Variants in TMEM232 observed in about 807,000 individuals in gnomAD.
The protein encoded by TMEM232 is transmembrane protein 232.
TMEM232 carries 80 observed loss-of-function variants against 78.8 expected under a neutral mutation model. The ratio of observed to expected loss-of-function variants is 1.01; its 90% CI spans 0.85 to 1.22. TMEM232 has a LOEUF of 1.22. TMEM232 is among the 50% of genes most tolerant of loss of function. The pLI, the probability that TMEM232 is intolerant of heterozygous loss-of-function variation, is 0.00. For synonymous variants in TMEM232, 297 were observed against 254.3 expected (o/e 1.17, Z -1.60); for missense variants, 881 against 742.2 (o/e 1.19, Z -2.17).
intron 3 of TMEM232, chr5:110,390,772 A>G (rs79507770): frequency 1.8e-3 from 272 of 152,332 alleles, no homozygotes; most frequent in African/African-American, 6.1e-3. Flanking sequence ...GGTTCTGATC[A>G]TTTGATATTT....
At chr5:110,532,443 T>C (rs1032045284) in intron 11 of TMEM232, among the ~76,000 whole-genome samples, 7 of 151,918 alleles carry the variant, frequency 4.6e-5, no homozygotes, top group African/African-American at 1.5e-4. Flanking sequence ...CCACATTACC[T>C]TCTTTTCAAA....
At chr5:110,405,274 C>T (rs1755743191) in intron 2 of TMEM232, among the ~76,000 whole-genome samples, 2 of 151,950 alleles carry the variant, frequency 1.3e-5, no homozygotes, top group Non-Finnish European at 2.9e-5. Flanking sequence ...CAGTACCTTC[C>T]CTTAACTTTC....
chr5:110,432,208 G>T (rs938623830), intron 12 of TMEM232, among the ~76,000 whole-genome samples: 4 of 151,462 alleles, frequency 2.6e-5, no homozygotes, highest in African/African-American at 7.3e-5. Flanking sequence ...CAATAAGAAA[G>T]AAAAATTTTT....
intron 5 of TMEM232, among the ~76,000 whole-genome samples, chr5:110,629,656 C>CT (rs936892392): frequency 6.6e-6 from 1 of 151,974 alleles, no homozygotes. Flanking sequence ...CTCTTCTTCT[C>CT]TTTTTTTCTG....
At chr5:110,610,237 A>AG (rs1782045841) in intron 8 of TMEM232, among the ~76,000 whole-genome samples, 5 of 139,244 alleles carry the variant, frequency 3.6e-5, no homozygotes, top group South Asian at 2.6e-4. Context: ...GGAAAAAGAA[A>AG]GGAAGGAAGG....
intron 10 of TMEM232, among the ~76,000 whole-genome samples, chr5:110,602,371 G>A (rs1426244727): frequency 6.6e-6 from 1 of 151,912 alleles, no homozygotes; most frequent in East Asian, 1.9e-4. Flanking sequence ...CCTACAGAAT[G>A]GAAGAAAATT....
chr5:110,715,989 A>G (rs894709616), intron 1 of TMEM232, among the ~76,000 whole-genome samples: 1 of 152,074 alleles, frequency 6.6e-6, no homozygotes, highest in African/African-American at 2.4e-5. Flanking sequence ...TTTTAAATCT[A>G]CCTATGTCCT....
chr5:110,396,184 C>T (rs1054979536), intron 3 of TMEM232, among the ~76,000 whole-genome samples: 1 of 152,112 alleles, frequency 6.6e-6, no homozygotes, highest in Non-Finnish European at 1.5e-5. Context: ...GCAGGGGAAA[C>T]TACTGCTTTT....
At chr5:110,596,146 C>A (rs1341857105) in intron 10 of TMEM232, among the ~76,000 whole-genome samples, 2 of 151,712 alleles carry the variant, frequency 1.3e-5, no homozygotes, top group East Asian at 3.9e-4. Flanking sequence ...AAAAGATAAG[C>A]ATCAAATAGA....
At chr5:110,734,801 A>G (rs1218244683) in intron 2 of TMEM232, 3 of 151,996 alleles carry the variant, frequency 2.0e-5, no homozygotes, top group Non-Finnish European at 1.5e-5. Flanking sequence ...AAACAAAAAC[A>G]CCTCTATTGT....
chr5:110,552,557 G>A (rs544904188), intron 11 of TMEM232, among the ~76,000 whole-genome samples: 1 of 152,138 alleles, frequency 6.6e-6, no homozygotes, highest in Admixed American at 6.6e-5. Context: ...TCATGGAAAT[G>A]TTAATCCACA....
intron 2 of TMEM232, among the ~76,000 whole-genome samples, chr5:110,649,225 G>T (rs1399556849): frequency 6.6e-6 from 1 of 152,026 alleles, no homozygotes; most frequent in Non-Finnish European, 1.5e-5. Flanking sequence ...GAAAATTTGG[G>T]AGAGTAAAAA....
chr5:110,467,166 G>T (rs1212026864), intron 12 of TMEM232, among the ~76,000 whole-genome samples: 2 of 152,148 alleles, frequency 1.3e-5, no homozygotes, highest in African/African-American at 2.4e-5. Flanking sequence ...TCTGGCTAAA[G>T]ACATCATTGT....
intron 2 of TMEM232, among the ~76,000 whole-genome samples, chr5:110,664,305 A>G (rs929435047): frequency 6.6e-5 from 10 of 152,230 alleles, no homozygotes; most frequent in Non-Finnish European, 1.3e-4. Flanking sequence ...AAGAATATAC[A>G]TAATTACCAA....
At chr5:110,492,473 A>G (rs1765217547) in intron 12 of TMEM232, among the ~76,000 whole-genome samples, 1 of 151,964 alleles carries the variant, frequency 6.6e-6, no homozygotes, top group African/African-American at 2.4e-5. Context: ...TGATAAAATT[A>G]AATCACTATT....
rs449510 is a variant in TMEM232 at position 110,518,351 on chromosome 5, C to A, written c.1703+10237G>T. Among the ~76,000 whole-genome samples, 763 of 152,100 alleles carry A rather than the reference C, an allele frequency of 5.0e-3. 7 individuals carry two copies. Among genetic ancestry groups the A allele is most frequent in the African/African-American group, 0.018 (731 of 41,476 alleles). ...CAAAACCAAAGTACACTTCAATATC[C>A]TCTCTGTGGCTCCAGACAAATTATT... On this transcript the variant is annotated intron_variant, in intron 12 of 13. Coordinates refer to ENST00000455884, the MANE Select transcript of TMEM232 (RefSeq NM_001039763.4).
chr5:110,416,054 T>C (rs1439385209), downstream of TMEM232, among the ~76,000 whole-genome samples: 2 of 152,240 alleles, frequency 1.3e-5, no homozygotes, highest in Non-Finnish European at 2.9e-5. Flanking sequence ...AAAATGCATG[T>C]AGCAGAAAAG....
At chr5:110,599,255 G>T (rs1358298078) in intron 10 of TMEM232, among the ~76,000 whole-genome samples, 1 of 152,056 alleles carries the variant, frequency 6.6e-6, no homozygotes, top group Non-Finnish European at 1.5e-5. Context: ...TGAAGAAACT[G>T]CATCAACTAC....
intron 12 of TMEM232, among the ~76,000 whole-genome samples, chr5:110,527,948 A>G (rs972557210): frequency 1.3e-5 from 2 of 151,984 alleles, no homozygotes; most frequent in Non-Finnish European, 2.9e-5. Flanking sequence ...ATATATCAGG[A>G]GTGATTTTTC....
Sources: gnomAD v4.1 joint callset for allele counts (sites outside exome capture counted in the v4.1 genomes callset) on GRCh38, gnomAD v4.1.1 for gene constraint, MANE v1.5 for transcripts, NCBI Gene and HGNC (gene_info 2026-07-23, HGNC 2026-07-21) for gene names.